TENM3: variants seen among roughly 807,000 people sequenced by gnomAD.
TENM3 encodes the protein teneurin transmembrane protein 3, also known as teneurin-3.
A neutral mutation model predicts 255.1 loss-of-function variants in TENM3; 63 were observed. That is an observed-to-expected ratio of 0.25 (90% CI 0.20 to 0.30). The LOEUF (loss-of-function observed/expected upper bound fraction) is 0.30, where lower values mean the gene tolerates loss of function less well. Ranked by LOEUF, TENM3 falls within the 10% of genes least tolerant of loss-of-function variation. The probability of loss-of-function intolerance (pLI) is 1.00; values close to 1 mark genes in which losing one functional copy is unlikely to be tolerated. For missense variants in TENM3, 2,929 were observed against 3,461.1 expected (o/e 0.85, Z 3.86); for synonymous variants, 1,306 against 1,322.3 (o/e 0.99, Z 0.27).
At chr4:182,634,261 C>G (rs1751650954) in intron 5 of TENM3, among the ~76,000 whole-genome samples, 1 of 152,112 alleles carries the variant, frequency 6.6e-6, no homozygotes, top group Admixed American at 6.5e-5. Context: ...TAAACTCAAA[C>G]AGCGACATGG....
At chr4:182,480,396 T>A (rs1734079721) in intron 3 of TENM3, among the ~76,000 whole-genome samples, 1 of 152,082 alleles carries the variant, frequency 6.6e-6, no homozygotes, top group African/African-American at 2.4e-5. Context: ...GTTAATTGTT[T>A]GCTAAAATAT....
At chr4:181,907,482 G>T in the TENM3 span, among the ~76,000 whole-genome samples, 2 of 152,296 alleles carry the variant, frequency 1.3e-5, no homozygotes, top group Admixed American at 1.3e-4. Context: ...TACAAGGCTT[G>T]TCTGCAGGCC....
chr4:181,966,283 G>A, the TENM3 span, among the ~76,000 whole-genome samples: 2 of 152,248 alleles, frequency 1.3e-5, no homozygotes, highest in Non-Finnish European at 2.9e-5. Flanking sequence ...TTCAGTTTGG[G>A]GTGGTGGGGA....
chr4:181,816,801 C>T, the TENM3 span, among the ~76,000 whole-genome samples: 7 of 152,244 alleles, frequency 4.6e-5, no homozygotes, highest in South Asian at 4.1e-4. Flanking sequence ...TTTTATGCAT[C>T]GATAATGTCA....
the TENM3 span, among the ~76,000 whole-genome samples, chr4:181,467,123 ATAT>A: frequency 5.6e-5 from 1 of 17,976 alleles, no homozygotes; most frequent in Non-Finnish European, 1.3e-4. Flanking sequence ...ATATATATAT[ATAT>A]TTTTTTTTTT....
chr4:182,614,245 T>C (rs923223166), intron 4 of TENM3, among the ~76,000 whole-genome samples: 3 of 152,190 alleles, frequency 2.0e-5, no homozygotes, highest in African/African-American at 7.2e-5. Flanking sequence ...CTTTTTATAA[T>C]TGCATAGTAT....
the TENM3 span, among the ~76,000 whole-genome samples, chr4:181,978,864 G>T: frequency 6.7e-6 from 1 of 150,008 alleles, no homozygotes; most frequent in Non-Finnish European, 1.5e-5. Context: ...GTGGTCTCTT[G>T]TTCTGCTTAA....
the TENM3 span, among the ~76,000 whole-genome samples, chr4:182,129,911 C>T: frequency 1.8e-3 from 279 of 152,174 alleles, no homozygotes; most frequent in South Asian, 5.6e-3. Flanking sequence ...TACACAAATA[C>T]ATAAGTATAT....
intron 3 of TENM3, among the ~76,000 whole-genome samples, chr4:182,387,486 AAG>A (rs1768039700): frequency 1.3e-5 from 2 of 152,302 alleles, no homozygotes; most frequent in Non-Finnish European, 2.9e-5. Context: ...GGGGCCACAT[AAG>A]AGAATAAAAG....
In TENM3 at chr4:182,801,126, G is replaced by A. The variant is rs543056646; in HGVS notation, c.*775G>A. Reference sequence around the variant, plus strand: ...TACTTAAAAATAAAATGATAAAAACGTGAACTGTGTGATTTTTTTAAAAGG... The same window carrying A: ...TACTTAAAAATAAAATGATAAAAACATGAACTGTGTGATTTTTTTAAAAGG... On this transcript the variant is annotated 3_prime_UTR_variant, in exon 28 of 28. Transcript: ENST00000511685. 1 of 152,380 alleles carries A rather than the reference G, an allele frequency of 6.6e-6. No homozygotes were observed. The highest frequency in any genetic ancestry group is 2.4e-5 in the African/African-American group (1 of 41,298). The allele number at this position is 152,380 out of a possible 1,614,324, so 9.4% of individuals were successfully genotyped here.
chr4:182,140,794 A>G (rs1465562301), upstream of TENM3, among the ~76,000 whole-genome samples: 3 of 152,168 alleles, frequency 2.0e-5, no homozygotes, highest in African/African-American at 7.2e-5. Context: ...AAGGGGAGAA[A>G]GGGAAGGCGC....
At chr4:182,033,224 G>A in the TENM3 span, among the ~76,000 whole-genome samples, 2 of 152,124 alleles carry the variant, frequency 1.3e-5, no homozygotes, top group Middle Eastern at 3.2e-3. Context: ...CTGCATCCCA[G>A]AGATTCTAGT....
At chr4:182,518,515 T>TA (rs555178918) in intron 3 of TENM3, among the ~76,000 whole-genome samples, 324 of 145,470 alleles carry the variant, frequency 2.2e-3, no homozygotes, top group Middle Eastern at 0.014. Flanking sequence ...CCAGTTAGCC[T>TA]AAAAAAAAAA....
chr4:181,657,838 C>T, the TENM3 span, among the ~76,000 whole-genome samples: 8 of 152,094 alleles, frequency 5.3e-5, no homozygotes, highest in East Asian at 1.2e-3. Flanking sequence ...TTTGCAGCAA[C>T]GTGGGTGGAA....
At chr4:181,651,717 G>A in the TENM3 span, among the ~76,000 whole-genome samples, 1 of 152,300 alleles carries the variant, frequency 6.6e-6, no homozygotes, top group Non-Finnish European at 1.5e-5. Context: ...AAGGAACGCT[G>A]AACTTCTTGA....
chr4:181,559,237 TCTC>T, the TENM3 span, among the ~76,000 whole-genome samples: 1 of 152,134 alleles, frequency 6.6e-6, no homozygotes, highest in Non-Finnish European at 1.5e-5. Flanking sequence ...TTTCTGATAA[TCTC>T]CTGATTATTC....
At chr4:182,233,469 G>GCAAC (rs2150027244) in intron 1 of TENM3, among the ~76,000 whole-genome samples, 1 of 152,296 alleles carries the variant, frequency 6.6e-6, no homozygotes, top group Admixed American at 6.5e-5. Flanking sequence ...TTTCTGAAAT[G>GCAAC]CAACCTGTTC....
chr4:182,712,368 C>T (rs760538290), intron 12 of TENM3, among the ~76,000 whole-genome samples: 12 of 151,792 alleles, frequency 7.9e-5, no homozygotes, highest in Non-Finnish European at 1.8e-4. Context: ...CCAACTCCTA[C>T]GTGCAGTCAG....
chr4:181,760,999 C>CACACACACACACACAT, the TENM3 span, among the ~76,000 whole-genome samples: 1,832 of 145,606 alleles, frequency 0.013, 45 homozygotes, highest in African/African-American at 0.043. Context: ...CACACACACA[C>CACACACACACACACAT]ACACACACAC....
Sources: allele counts gnomAD v4.1 joint callset (sites outside exome capture counted in the v4.1 genomes callset), GRCh38; gene constraint gnomAD v4.1.1; transcripts MANE v1.5; gene names NCBI Gene and HGNC (gene_info 2026-07-23, HGNC 2026-07-21).